Variants in OSBPL9 observed in about 807,000 individuals in gnomAD.
OSBPL9 encodes oxysterol-binding protein-related protein 9.
A neutral mutation model predicts 106.6 loss-of-function variants in OSBPL9; 40 were observed. That is an observed-to-expected ratio of 0.38 (90% CI 0.29 to 0.49). The LOEUF is 0.49. Among genes scored for constraint, OSBPL9 ranks in the 20% least tolerant of loss-of-function variants. The pLI is 0.97. For synonymous variants in OSBPL9, 269 were observed against 295.4 expected (o/e 0.91, Z 0.92); for missense variants, 609 against 887.2 (o/e 0.69, Z 3.98).
chr1:51,669,653 G>A (rs1421561105), intron 3 of OSBPL9, 141 bp downstream of exon 3: 5 of 771,086 alleles, frequency 6.5e-6, no homozygotes, highest in South Asian at 2.9e-5. Context: ...TGGATGAAGT[G>A]GTACTGCAGG....
upstream of OSBPL9, among the ~76,000 whole-genome samples, chr1:51,574,405 G>A (rs772142165): frequency 4.6e-5 from 7 of 151,778 alleles, no homozygotes; most frequent in Non-Finnish European, 8.8e-5. Context: ...AGATCACAAG[G>A]TCAGGAGTTC....
chr1:51,631,377 C>T (rs2405244), intron 1 of OSBPL9, among the ~76,000 whole-genome samples: 110 of 151,978 alleles, frequency 7.2e-4, no homozygotes, highest in Middle Eastern at 6.8e-3. Context: ...CCCATCTCTA[C>T]AAAAAACTAA....
At chr1:51,726,572 T>C (rs1398485773) in intron 4 of OSBPL9, among the ~76,000 whole-genome samples, 1 of 152,148 alleles carries the variant, frequency 6.6e-6, no homozygotes, top group Non-Finnish European at 1.5e-5. Context: ...TTTCTTTTCA[T>C]CTTAATAGGT....
At chr1:51,766,861 G>A in intron 12 of OSBPL9, among the ~76,000 whole-genome samples, 1 of 150,768 alleles carries the variant, frequency 6.6e-6, no homozygotes. Context: ...ATGAGGTCAG[G>A]AGTTCGAGAC....
rs780580083 is a variant in OSBPL9, at chr1:51,787,333, C to T, written c.2001-20C>T. The T allele has an allele frequency of 2.5e-6, 4 of 1,611,174 alleles. No homozygotes were observed. Among genetic ancestry groups the T allele is most frequent in the Non-Finnish European group, 3.4e-6 (4 of 1,177,526 alleles). On this transcript the variant is annotated intron_variant, in intron 22 of 23. Transcript: ENST00000428468. ...CTTTCATTCTCAACATTGGCAGCTC[C>T]TCTTACCTCTTTGTTTTAGCCTTTG...
At chr1:51,676,858 C>T (rs115628010) in intron 3 of OSBPL9, among the ~76,000 whole-genome samples, 4,019 of 152,200 alleles carry the variant, frequency 0.026, 60 homozygotes, top group Non-Finnish European at 0.04. Flanking sequence ...TCCATTACTT[C>T]GTAGAAATAT....
At chr1:51,669,235 A>G (rs1370044819) in intron 2 of OSBPL9, among the ~76,000 whole-genome samples, 199 bp from the exon 3 acceptor site, 1 of 152,230 alleles carries the variant, frequency 6.6e-6, no homozygotes, top group East Asian at 1.9e-4. Context: ...ATGTACCTGT[A>G]CATGGTACTA....
At chr1:51,687,070 C>T (rs188863221) in intron 3 of OSBPL9, among the ~76,000 whole-genome samples, 15 of 152,342 alleles carry the variant, frequency 9.8e-5, no homozygotes, top group Admixed American at 1.3e-4. Flanking sequence ...ACCTTAGCTG[C>T]TGCTGTTACT....
intron 1 of OSBPL9, among the ~76,000 whole-genome samples, chr1:51,648,423 TAGG>T (rs1326072135): frequency 2.0e-5 from 3 of 152,146 alleles, no homozygotes; most frequent in Non-Finnish European, 4.4e-5. Flanking sequence ...CAAGAGCAGA[TAGG>T]AGGGAGCTCT....
intron 1 of OSBPL9, among the ~76,000 whole-genome samples, chr1:51,646,356 T>C (rs1646152427): frequency 1.3e-5 from 2 of 152,196 alleles, no homozygotes; most frequent in Non-Finnish European, 2.9e-5. Context: ...TATTAATAAG[T>C]ATTTTACCTT....
chr1:51,587,568 A>T (rs1299378145), intron 1 of OSBPL9, among the ~76,000 whole-genome samples: 3 of 152,054 alleles, frequency 2.0e-5, no homozygotes, highest in Non-Finnish European at 1.5e-5. Context: ...TCTTCCTTCA[A>T]ACTTGTAACA....
At chr1:51,772,835 G>A in intron 14 of OSBPL9, 112 bp downstream of exon 14, 2 of 766,598 alleles carry the variant, frequency 2.6e-6, no homozygotes, top group Non-Finnish European at 4.6e-6. Flanking sequence ...TTATACCTGT[G>A]TCTTCTTGTG....
the OSBPL9 span, among the ~76,000 whole-genome samples, chr1:51,524,796 C>G: frequency 6.6e-6 from 1 of 152,202 alleles, no homozygotes; most frequent in East Asian, 1.9e-4. Context: ...TCCTTCCTTT[C>G]CTCTCTGTCC....
intron 2 of OSBPL9, among the ~76,000 whole-genome samples, chr1:51,662,678 T>C (rs1647313271): frequency 6.6e-6 from 1 of 151,954 alleles, no homozygotes; most frequent in African/African-American, 2.4e-5. Flanking sequence ...GATATAACTA[T>C]TAGAATTGAG....
At chr1:51,549,166 C>T in the OSBPL9 span, among the ~76,000 whole-genome samples, 67 of 152,308 alleles carry the variant, frequency 4.4e-4, no homozygotes, top group African/African-American at 1.5e-3. Context: ...CTGCTGCTCC[C>T]TGAACTCACC....
At chr1:51,537,181 T>C in the OSBPL9 span, among the ~76,000 whole-genome samples, 1 of 152,000 alleles carries the variant, frequency 6.6e-6, no homozygotes, top group African/African-American at 2.4e-5. Flanking sequence ...TAAACTAATG[T>C]ATTCTTAATT....
intron 4 of OSBPL9, among the ~76,000 whole-genome samples, chr1:51,720,307 C>A (rs754483978): frequency 2.9e-4 from 44 of 151,628 alleles, no homozygotes; most frequent in Non-Finnish European, 5.9e-4. Context: ...GTTGTATAGA[C>A]CTTTATGTTT....
chr1:51,781,141 A>G (rs1426315227), intron 15 of OSBPL9, 23 bp from the exon 16 acceptor site: 3 of 1,610,446 alleles, frequency 1.9e-6, no homozygotes, highest in Non-Finnish European at 2.5e-6. Context: ...CAGGACATTA[A>G]ATTTTGTCTT....
rs190426903 is a variant in OSBPL9 at position 51,717,891 on chromosome 1, G to A, written c.318+3812G>A. ...TCCAAAAGAAAGGCAATCAATATAC[G>A]GAAGAGATACCTGCACACCCAGGTT... On this transcript the variant is annotated intron_variant, in intron 4 of 23. Transcript: ENST00000428468. Among the ~76,000 whole-genome samples, 16 of 152,158 alleles carry A rather than the reference G, an allele frequency of 1.1e-4. No homozygotes were observed. The East Asian group carries it at 1.7e-3, about 17-fold the overall frequency.
Sources: gnomAD v4.1 joint callset for allele counts (sites outside exome capture counted in the v4.1 genomes callset) on GRCh38, gnomAD v4.1.1 for gene constraint, MANE v1.5 for transcripts, NCBI Gene and HGNC (gene_info 2026-07-23, HGNC 2026-07-21) for gene names.